SIL1: variants seen among roughly 807,000 people sequenced by gnomAD.
SIL1 encodes the protein nucleotide exchange factor SIL1.
A neutral mutation model predicts 49.1 loss-of-function variants in SIL1; 40 were observed. The observed-to-expected ratio is 0.81, with a 90% CI of 0.63 to 1.06. SIL1 has a LOEUF of 1.06. Ranked by LOEUF, SIL1 falls within the 50% of genes least tolerant of loss-of-function variation. SIL1 has a pLI of 0.00. For missense variants in SIL1, 500 were observed against 572.6 expected (o/e 0.87, Z 1.29); for synonymous variants, 253 against 250.8 (o/e 1.01, Z -0.08).
intron 7 of SIL1, among the ~76,000 whole-genome samples, chr5:138,967,423 T>G (rs1054011705): frequency 1.3e-5 from 2 of 152,164 alleles, no homozygotes; most frequent in Non-Finnish European, 2.9e-5. Context: ...CCTGGGCCTC[T>G]CTCACCCTGG....
intron 1 of SIL1, among the ~76,000 whole-genome samples, chr5:139,165,442 A>C (rs1751598871): frequency 6.6e-6 from 1 of 152,072 alleles, no homozygotes; most frequent in Admixed American, 6.6e-5. Flanking sequence ...TCCACCTCCC[A>C]GGTTCAAGCA....
intron 1 of SIL1, among the ~76,000 whole-genome samples, chr5:139,152,138 G>A (rs934363524): frequency 4.6e-5 from 7 of 152,180 alleles, no homozygotes; most frequent in East Asian, 1.9e-4. Context: ...GCCTTGGGCC[G>A]TGCGTCTAAG....
chr5:139,002,519 T>C (rs778149147), intron 7 of SIL1, among the ~76,000 whole-genome samples: 8 of 152,164 alleles, frequency 5.3e-5, no homozygotes, highest in African/African-American at 1.9e-4. Flanking sequence ...GAAATAAGCA[T>C]CCATTTTCTC....
At chr5:139,030,460 G>C (rs1768761583) in intron 5 of SIL1, among the ~76,000 whole-genome samples, 1 of 151,546 alleles carries the variant, frequency 6.6e-6, no homozygotes. Context: ...GTGGGCGACA[G>C]AGCAAGACTC....
chr5:139,005,185 T>C (rs1418385846), intron 7 of SIL1, among the ~76,000 whole-genome samples: 3 of 152,176 alleles, frequency 2.0e-5, no homozygotes, highest in African/African-American at 7.2e-5. Context: ...CATTCCAGAA[T>C]GTATATATAT....
intron 1 of SIL1, among the ~76,000 whole-genome samples, chr5:139,179,967 G>A (rs1751952275): frequency 6.6e-6 from 1 of 151,228 alleles, no homozygotes; most frequent in African/African-American, 2.4e-5. Flanking sequence ...GAGGTGGGAG[G>A]ATCTCTTGAC....
chr5:139,018,520 G>T (rs1415091048), intron 7 of SIL1, among the ~76,000 whole-genome samples: 1 of 149,270 alleles, frequency 6.7e-6, no homozygotes, highest in African/African-American at 2.5e-5. Context: ...AGCCCAGGAG[G>T]CAGAGGTTGC....
chr5:139,133,427 T>G (rs1188086451), intron 1 of SIL1: 1 of 152,274 alleles, frequency 6.6e-6, no homozygotes, highest in Non-Finnish European at 1.5e-5. Context: ...CAGTGCCTCA[T>G]GTCTTCCACA....
At chr5:139,086,697 G>C (rs920082310) in intron 3 of SIL1, among the ~76,000 whole-genome samples, 2 of 151,738 alleles carry the variant, frequency 1.3e-5, no homozygotes, top group Non-Finnish European at 1.5e-5. Context: ...GGGCATGGTG[G>C]CTCATGCCTG....
chr5:138,967,210 G>C (rs1271469075), intron 7 of SIL1, among the ~76,000 whole-genome samples: 2 of 152,194 alleles, frequency 1.3e-5, no homozygotes, highest in Non-Finnish European at 2.9e-5. Context: ...GGTTTTCCAA[G>C]TCTGATCTCT....
chr5:139,049,418 C>G (rs920386961), intron 4 of SIL1, among the ~76,000 whole-genome samples: 1 of 152,184 alleles, frequency 6.6e-6, no homozygotes, highest in Non-Finnish European at 1.5e-5. Flanking sequence ...CTTAGGTGAT[C>G]CGCCGGCCTC....
At chr5:139,198,110 G>A (rs1752315823) in intron 1 of SIL1, among the ~76,000 whole-genome samples, 159 bp downstream of exon 1, 1 of 152,206 alleles carries the variant, frequency 6.6e-6, no homozygotes, top group Non-Finnish European at 1.5e-5. Flanking sequence ...AGGGAGCCCC[G>A]GGCCCACTTG....
rs542941622 is a variant in SIL1 at position 138,976,310 on chromosome 5, C to CTT, written c.768-24428_768-24427dup. On this transcript the variant is annotated intron_variant, in intron 7 of 9. Transcript: ENST00000394817. ...TGCTCAGTATTCTTATATTACCTCT[C>CTT]TTTTTTTTTTTTTTTTTTTTGAGGC... Among the ~76,000 whole-genome samples the CTT allele has an allele frequency of 5.8e-3, 784 of 134,376 alleles. 14 individuals carry two copies. The highest frequency in any genetic ancestry group is 0.02 in the African/African-American group (701 of 34,656). The allele number at this position is 134,376 out of a possible 152,430, so 88.2% of individuals were successfully genotyped here. A position where few individuals can be genotyped will look rare whatever the true frequency, so the allele number is the denominator to read the frequency against.
chr5:138,972,244 C>G (rs1252114523), intron 7 of SIL1, among the ~76,000 whole-genome samples: 1 of 152,206 alleles, frequency 6.6e-6, no homozygotes, highest in Non-Finnish European at 1.5e-5. Context: ...TGCTAGCCAA[C>G]ATCTGGTCAC....
At chr5:139,133,433 C>T (rs963301145) in intron 1 of SIL1, 4 of 152,258 alleles carry the variant, frequency 2.6e-5, no homozygotes, top group Admixed American at 6.5e-5. Context: ...CTCATGTCTT[C>T]CACACAATTC....
intron 5 of SIL1, among the ~76,000 whole-genome samples, chr5:139,040,564 T>C (rs964572771): frequency 2.8e-5 from 4 of 142,372 alleles, no homozygotes; most frequent in African/African-American, 1.1e-4. Flanking sequence ...AATGGTGCAA[T>C]CTAGGCTCAC....
intron 1 of SIL1, among the ~76,000 whole-genome samples, chr5:139,192,773 G>A (rs1160540646): frequency 1.3e-5 from 2 of 151,662 alleles, no homozygotes; most frequent in Non-Finnish European, 2.9e-5. Flanking sequence ...CGAGGCAGGA[G>A]AAATGCTTGA....
chr5:139,168,437 C>T (rs1316360159), intron 1 of SIL1, among the ~76,000 whole-genome samples: 3 of 152,164 alleles, frequency 2.0e-5, no homozygotes, highest in Non-Finnish European at 4.4e-5. Context: ...GCAGCTTGCA[C>T]ACAGCTTGCA....
rs753439841 is a variant in SIL1, at chr5:138,947,343, G to A, written c.1160C>T (p.Ala387Val). ...GWCEITAHLL[A>V]LPEHDAREKV... ...CTCACGGGCATCATGCTCGGGCAGC[G>A]CCAGGAGGTGGGCCGTGATCTCGCA... is the stretch of plus-strand genomic sequence containing the variant. The change falls in exon 10 of 10, where the codon GCG (alanine) becomes GTG (valine). Residue 387 changes from alanine (A) to valine (V), a missense_variant. Transcript: ENST00000394817. This position sits in a 1 kb window ranked among gnomAD's most constrained non-coding sequence, Gnocchi z 4.1. 5.0e-6 allele frequency: 8 copies of A among 1,613,620 alleles called. No homozygotes were observed. The highest frequency in any genetic ancestry group is 1.3e-5 in the African/African-American group (1 of 75,050).
Sources: gnomAD v4.1 joint callset for allele counts (sites outside exome capture counted in the v4.1 genomes callset) on GRCh38, gnomAD v4.1.1 for gene constraint, Gnocchi (gnomAD v3.1) non-coding constraint, MANE v1.5 for transcripts, NCBI Gene and HGNC (gene_info 2026-07-23, HGNC 2026-07-21) for gene names.